GLIS2: variants seen among roughly 807,000 people sequenced by gnomAD.
The protein encoded by GLIS2 is zinc finger protein GLIS2.
In GLIS2, 14 loss-of-function variants were observed where a neutral mutation model predicts 35.6. The ratio of observed to expected loss-of-function variants is 0.39; its 90% CI spans 0.26 to 0.61. The LOEUF is 0.61. Among genes scored for constraint, GLIS2 ranks in the 20% least tolerant of loss-of-function variants. The pLI, the probability that GLIS2 is intolerant of heterozygous loss-of-function variation, is 0.48. For synonymous variants in GLIS2, 368 were observed against 325.1 expected, an observed-to-expected ratio of 1.13 and a Z score of -1.42; for missense variants, 675 against 713.4, an observed-to-expected ratio of 0.95 and a Z score of 0.61.
At chr16:4,316,044 C>G (rs1436608258), upstream of GLIS2, among the ~76,000 whole-genome samples, 2 of 140,644 alleles carry the variant, frequency 1.4e-5, no homozygotes, top group Non-Finnish European at 3.1e-5. Flanking sequence ...AAGACATCCC[C>G]GCACGGCCCG....
At position 4,337,564 on chromosome 16, in the gene GLIS2, C is replaced by T. The variant is rs1174176429; in HGVS notation, c.*40C>T. On this transcript the variant is annotated 3_prime_UTR_variant, in exon 7 of 7. Coordinates refer to ENST00000433375, the MANE Select transcript of GLIS2 (RefSeq NM_032575.3). ...CAGTTGTGGTGCCCCCCCGGCAGCT[C>T]CCGGCACTGCCCCCGACGAACGGAA... The T allele has an allele frequency of 6.5e-7, 1 of 1,538,510 alleles. No homozygotes were observed. Among genetic ancestry groups the T allele is most frequent in the East Asian group, 2.4e-5 (1 of 41,362 alleles).
intron 3 of GLIS2, 21 bp downstream of exon 3, chr16:4,333,540 C>T (rs775998635): frequency 2.5e-6 from 4 of 1,599,266 alleles, no homozygotes; most frequent in African/African-American, 2.7e-5. Flanking sequence ...GTGAGAGTTC[C>T]GGAGAGAGGG....
Position 4,333,423 on chromosome 16 carries a change from G to C in GLIS2, c.249G>C (p.Leu83=), listed in dbSNP as rs1354611266. ...FSAAPLVDLS[L]SPPSGLDSPN... is the part of the protein sequence containing the mutation. The stretch of plus-strand genomic sequence containing the variant: ...CAGCCCCTCTCGTGGACCTCAGCCT[G>C]TCACCACCATCTGGGCTGGACTCCC... The change falls in exon 3 of 7, where the codon CTG becomes CTC. Residue 83 remains leucine (L), a synonymous_variant. Coordinates refer to ENST00000433375, the MANE Select transcript of GLIS2 (RefSeq NM_032575.3). The C allele has an allele frequency of 1.2e-6, 2 of 1,613,044 alleles. No homozygotes were observed. The highest frequency in any genetic ancestry group is 1.7e-6 in the Non-Finnish European group (2 of 1,180,014).
Position 4,322,630 on chromosome 16 carries a change from CT to C in GLIS2, c.-67+6377del, listed in dbSNP as rs370692661. 6.2e-4 allele frequency among the ~76,000 whole-genome samples: 94 copies of C among 151,556 alleles called. No individual in the cohort carries two copies. In the East Asian group the frequency reaches 6.8e-3, roughly 11 times the overall value. On this transcript the variant is annotated intron_variant, in intron 1 of 6. Transcript: ENST00000433375. ...ACCCCCTGCAGGAGCAGCCCCCCCC[CT>C]ACACTGTTTCTCCCACCCCACCTTG...
upstream of GLIS2, among the ~76,000 whole-genome samples, chr16:4,315,688 T>C (rs1195283115): frequency 6.8e-6 from 1 of 147,546 alleles, no homozygotes; most frequent in East Asian, 2.1e-4. Flanking sequence ...GGCGTGAGGA[T>C]GGGGCCGAGG....
intron 3 of GLIS2, among the ~76,000 whole-genome samples, chr16:4,334,136 T>C (rs11639611): frequency 6.6e-6 from 1 of 151,368 alleles, no homozygotes; most frequent in Admixed American, 6.6e-5. Context: ...ACAGGGTTTC[T>C]CCATGTTGGT....
intron 1 of GLIS2, among the ~76,000 whole-genome samples, chr16:4,330,808 G>A (rs2053489938): frequency 6.6e-6 from 1 of 152,204 alleles, no homozygotes; most frequent in Non-Finnish European, 1.5e-5. Context: ...CCAAAATCTG[G>A]CTGTAAACTA....
At chr16:4,324,181 G>A (rs939773816) in intron 1 of GLIS2, among the ~76,000 whole-genome samples, 10 of 152,150 alleles carry the variant, frequency 6.6e-5, no homozygotes, top group African/African-American at 1.9e-4. Context: ...TGAGTGCCCC[G>A]TCTTGGGAGG....
At chr16:4,319,434 CA>C (rs958692330) in intron 1 of GLIS2, among the ~76,000 whole-genome samples, 2 of 152,168 alleles carry the variant, frequency 1.3e-5, no homozygotes, top group African/African-American at 4.8e-5. Flanking sequence ...CCTCCCTTCC[CA>C]GGGGCTATGA....
Position 4,325,730 on chromosome 16 carries a change from C to A in GLIS2, c.-66-6485C>A, listed in dbSNP as rs190113317. Among the ~76,000 whole-genome samples the A allele has an allele frequency of 3.3e-5, 5 of 149,828 alleles. No individual in the cohort carries two copies. In the East Asian group the frequency reaches 7.8e-4, roughly 23 times the overall value. On this transcript the variant is annotated intron_variant, in intron 1 of 6. Coordinates refer to ENST00000433375, the MANE Select transcript of GLIS2 (RefSeq NM_032575.3). Reference sequence around the variant, plus strand: ...ATGGCTTGAGTCCAGGAGATCGAGACCAGCCTGGATGACACAGGGAGACCC... The same window carrying A: ...ATGGCTTGAGTCCAGGAGATCGAGAACAGCCTGGATGACACAGGGAGACCC...
chr16:4,323,986 C>T (rs760893746), intron 1 of GLIS2, among the ~76,000 whole-genome samples: 2 of 152,220 alleles, frequency 1.3e-5, no homozygotes, highest in Non-Finnish European at 2.9e-5. Context: ...AACCAGGCAG[C>T]CTGGCCCTGG....
At position 4,332,182 on chromosome 16, in the gene GLIS2, C is replaced by T; in HGVS notation, c.-66-33C>T. On this transcript the variant is annotated intron_variant, in intron 1 of 6. Transcript: ENST00000433375. The surrounding 1 kb of genome is among the most constrained non-coding windows in gnomAD (Gnocchi z 5.4). ...CAGCCCGAGGAGAAGCCTGGGGTCT[C>T]AGTGCCACAGCACAGCTCCTGTCCT... 7.0e-7 allele frequency: 1 copy of T among 1,427,626 alleles called. No individual in the cohort carries two copies. The highest frequency in any genetic ancestry group is 9.6e-7 in the Non-Finnish European group (1 of 1,041,834). The allele number at this position is 1,427,626 out of a possible 1,614,324, so 88.4% of individuals were successfully genotyped here. A position where few individuals can be genotyped will look rare whatever the true frequency, so the allele number is the denominator to read the frequency against.
At chr16:4,322,624 C>G (rs1037563372) in intron 1 of GLIS2, among the ~76,000 whole-genome samples, 1 of 152,024 alleles carries the variant, frequency 6.6e-6, no homozygotes, top group African/African-American at 2.4e-5. Flanking sequence ...AGGAGCAGCC[C>G]CCCCCCTACA....
At chr16:4,331,215 C>T (rs1395181980) in intron 1 of GLIS2, among the ~76,000 whole-genome samples, 8 of 151,978 alleles carry the variant, frequency 5.3e-5, no homozygotes, top group Non-Finnish European at 8.8e-5. Flanking sequence ...CTCCTGACCT[C>T]GTGATCTCCC....
rs80135821 is a variant in GLIS2 at position 4,333,365 on chromosome 16, A to G, written c.191A>G (p.Lys64Arg). ...CCCTCAGGCTTCCTGCTGAACTCCA[A>G]GTTCCCCGAGAAGGTGGAGGGACGC... ...SPPSGFLLNS[K>R]FPEKVEGRFS... The change falls in exon 3 of 7, where the codon AAG (lysine) becomes AGG (arginine). Residue 64 changes from lysine (K) to arginine (R), a missense_variant. Lys to Arg is a conservative substitution (Grantham distance 26). This residue lies in a region of GLIS2 where 225 missense variants were observed against 238.7 expected (regional missense o/e 0.94). Transcript: ENST00000433375. 1.2e-6 allele frequency: 2 copies of G among 1,612,870 alleles called. No individual in the cohort carries two copies. The highest frequency in any genetic ancestry group is 2.2e-5 in the East Asian group (1 of 44,880).
chr16:4,325,643 ACGGG>A (rs2053422012), intron 1 of GLIS2, among the ~76,000 whole-genome samples: 1 of 152,134 alleles, frequency 6.6e-6, no homozygotes, highest in Non-Finnish European at 1.5e-5. Flanking sequence ...TTAGAAGATG[ACGGG>A]CTGGGCGTGG....
chr16:4,325,521 G>A (rs1301382816), intron 1 of GLIS2, among the ~76,000 whole-genome samples: 1 of 152,128 alleles, frequency 6.6e-6, no homozygotes, highest in East Asian at 1.9e-4. Flanking sequence ...CCATCTGTAA[G>A]ACCATACTGC....
chr16:4,327,346 G>A (rs1029197597), intron 1 of GLIS2, among the ~76,000 whole-genome samples: 3 of 152,204 alleles, frequency 2.0e-5, no homozygotes, highest in Admixed American at 6.5e-5. Context: ...TGGACAGATG[G>A]GCCTGACACG....
intron 1 of GLIS2, among the ~76,000 whole-genome samples, chr16:4,329,520 G>A (rs1449558035): frequency 6.6e-6 from 1 of 152,218 alleles, no homozygotes; most frequent in African/African-American, 2.4e-5. Context: ...TGTTGGGGTG[G>A]GGTCTGGGGA....
Sources: allele counts gnomAD v4.1 joint callset (sites outside exome capture counted in the v4.1 genomes callset), GRCh38; gene constraint gnomAD v4.1.1; regional missense constraint gnomAD v4.1.1; non-coding constraint Gnocchi (gnomAD v3.1); transcripts MANE v1.5; gene names NCBI Gene and HGNC (gene_info 2026-07-23, HGNC 2026-07-21).